Variants in METTL21A observed in about 807,000 individuals in gnomAD.
METTL21A encodes the protein methyltransferase 21A, HSPA lysine, also known as protein N-lysine methyltransferase METTL21A.
Under a neutral mutation model 20.9 loss-of-function variants are expected in METTL21A, and 22 were observed. That is an observed-to-expected ratio of 1.05 (90% confidence interval 0.75 to 1.50). METTL21A has a LOEUF of 1.50. Ranked by LOEUF, METTL21A falls within the 40% of genes most tolerant of loss-of-function variation. METTL21A has a pLI of 0.00. For synonymous variants in METTL21A, 93 were observed against 102.0 expected, an observed-to-expected ratio of 0.91 and a Z score of 0.53; for missense variants, 271 against 266.8, an observed-to-expected ratio of 1.02 and a Z score of -0.11.
chr2:207,608,887 C>T (rs1246705128), downstream of METTL21A, among the ~76,000 whole-genome samples: 3 of 152,186 alleles, frequency 2.0e-5, 1 homozygote, highest in Non-Finnish European at 4.4e-5. Context: ...AGATCGTGCC[C>T]CGCACTCCAG....
At chr2:207,581,065 T>C (rs996375681), downstream of METTL21A, 1 of 214,122 alleles carries the variant, frequency 4.7e-6, no homozygotes, top group Non-Finnish European at 9.4e-6. Context: ...TTTATGTAAC[T>C]TTACATTGTA....
rs781572502 is a variant in METTL21A at position 207,621,767 on chromosome 2, T to C, written c.259+39A>G. On this transcript the variant is annotated intron_variant, in intron 3 of 3. Coordinates refer to ENST00000406927, the Ensembl canonical transcript of METTL21A. Reference sequence around the variant, plus strand: ...AGAAAACAGCAAATGCACCTCTCAATGAGTTCTGCTCACTAAGGAGTCAAT... The same window carrying C: ...AGAAAACAGCAAATGCACCTCTCAACGAGTTCTGCTCACTAAGGAGTCAAT... 3.5e-5 allele frequency: 54 copies of C among 1,540,300 alleles called. No homozygotes were observed. In the South Asian group the frequency reaches 5.8e-4, roughly 17 times the overall value.
chr2:207,597,140 T>C, intron 3 of METTL21A: 1 of 1,413,760 alleles, frequency 7.1e-7, no homozygotes, highest in Middle Eastern at 2.6e-4. Context: ...AACATTTTAT[T>C]TTCTAAACAT....
At chr2:207,601,540 A>G (rs1170133627) in intron 3 of METTL21A, 1 of 198,366 alleles carries the variant, frequency 5.0e-6, no homozygotes, top group Non-Finnish European at 1.0e-5. Flanking sequence ...AAAATAACTC[A>G]AGTGCATAAT....
chr2:207,615,693 T>TAAA (rs755303520), intron 3 of METTL21A: 3 of 108,664 alleles, frequency 2.8e-5, no homozygotes, highest in Non-Finnish European at 3.9e-5. Context: ...AGACTCCGTC[T>TAAA]AAAAAAAAAA....
At chr2:207,622,271 C>T (rs1476583937) in intron 2 of METTL21A, among the ~76,000 whole-genome samples, 1 of 151,238 alleles carries the variant, frequency 6.6e-6, no homozygotes, top group Non-Finnish European at 1.5e-5. Flanking sequence ...CAAGCTCAAG[C>T]GATTCTCCCA....
At chr2:207,622,709 C>T (rs1413236400) in intron 2 of METTL21A, among the ~76,000 whole-genome samples, 1 of 152,198 alleles carries the variant, frequency 6.6e-6, no homozygotes, top group African/African-American at 2.4e-5. Context: ...TTTTGGGCAT[C>T]AGAAGGTAAG....
At chr2:207,600,205 T>TG (rs565660729) in intron 3 of METTL21A, 239 of 168,844 alleles carry the variant, frequency 1.4e-3, no homozygotes, top group African/African-American at 2.5e-3. Context: ...TAGATATTCT[T>TG]GGGGGGGGTG....
chr2:207,594,904 T>G (rs987907271), intron 3 of METTL21A, among the ~76,000 whole-genome samples: 9 of 152,126 alleles, frequency 5.9e-5, no homozygotes, highest in Non-Finnish European at 8.8e-5. Flanking sequence ...TGGTGGTGGT[T>G]TTTTGATAGT....
intron 1 of METTL21A, 78 bp from the exon 2 acceptor site, chr2:207,624,482 T>A: frequency 7.9e-7 from 1 of 1,267,804 alleles, no homozygotes; most frequent in Non-Finnish European, 1.0e-6. Flanking sequence ...CAAATGCTTT[T>A]AAGGTCGTTT....
intron 3 of METTL21A, chr2:207,600,967 T>C (rs1460967132): frequency 5.9e-6 from 1 of 168,564 alleles, no homozygotes; most frequent in Non-Finnish European, 1.2e-5. Flanking sequence ...TCAGCCACAG[T>C]CAGCTATTAC....
chr2:207,588,143 T>C (rs1197841441), intron 3 of METTL21A, among the ~76,000 whole-genome samples: 1 of 142,740 alleles, frequency 7.0e-6, no homozygotes, highest in Non-Finnish European at 1.5e-5. Context: ...AGACTTCGTT[T>C]TCCTCTAAAA....
At chr2:207,587,380 G>A (rs1244541115) in intron 3 of METTL21A, among the ~76,000 whole-genome samples, 2 of 145,128 alleles carry the variant, frequency 1.4e-5, no homozygotes, top group African/African-American at 5.1e-5. Flanking sequence ...GTGACGGAAC[G>A]AGACTCCATC....
intron 3 of METTL21A, among the ~76,000 whole-genome samples, chr2:207,593,559 T>C (rs894484584): frequency 2.6e-5 from 4 of 151,920 alleles, no homozygotes; most frequent in African/African-American, 9.7e-5. Context: ...AAATGCTACT[T>C]TTTTCTGAAT....
chr2:207,615,471 G>A (rs1371233744), intron 3 of METTL21A, among the ~76,000 whole-genome samples: 1 of 152,108 alleles, frequency 6.6e-6, no homozygotes, highest in Non-Finnish European at 1.5e-5. Context: ...GCCGAGGCAG[G>A]TGGATCATAA....
chr2:207,606,062 T>C (rs1045459784), downstream of METTL21A, among the ~76,000 whole-genome samples: 8 of 152,252 alleles, frequency 5.3e-5, no homozygotes, highest in Non-Finnish European at 8.8e-5. Context: ...ATAACTGTTC[T>C]TAGCAAAGAA....
At chr2:207,624,301 G>A (rs1446083885) in exon 2 of METTL21A, 2 of 1,613,732 alleles carry the variant, frequency 1.2e-6, no homozygotes, top group Admixed American at 1.7e-5. Context: ...GGTTTGCAAA[G>A]GAAAAAGTTG....
chr2:207,588,032 C>T (rs1243501816), intron 3 of METTL21A, among the ~76,000 whole-genome samples: 4 of 152,168 alleles, frequency 2.6e-5, no homozygotes, highest in Admixed American at 6.5e-5. Flanking sequence ...ACTGTATACA[C>T]ATATTAGAAT....
At position 207,582,880 on chromosome 2, in the gene METTL21A, G is replaced by A. The variant is rs186630560; in HGVS notation, c.260-720C>T. The A allele has an allele frequency of 1.6e-4, 48 of 307,396 alleles. 1 individual carries two copies. The East Asian group carries it at 4.8e-3, about 31-fold the overall frequency. The allele number at this position is 307,396 out of a possible 1,614,324, so 19.0% of individuals were successfully genotyped here. On this transcript the variant is annotated intron_variant, in intron 3 of 3. Coordinates refer to the METTL21A transcript ENST00000425132. ...TACTCCAGCCTGAGTGACAGAGTGA[G>A]ACTCTGTCTCAAAAAAACAAACAAA...
Sources: gnomAD v4.1 joint callset for allele counts (sites outside exome capture counted in the v4.1 genomes callset) on GRCh38, gnomAD v4.1.1 for gene constraint, MANE v1.5 for transcripts, NCBI Gene and HGNC (gene_info 2026-07-23, HGNC 2026-07-21) for gene names.